Variants in KCNAB1 observed in about 807,000 individuals in gnomAD.
KCNAB1 encodes the protein voltage-gated potassium channel subunit beta-1.
Under a neutral mutation model 64.6 loss-of-function variants are expected in KCNAB1, and 35 were observed. That is an observed-to-expected ratio of 0.54 (90% CI 0.41 to 0.72). The LOEUF (loss-of-function observed/expected upper bound fraction) is 0.72, where lower values mean the gene tolerates loss of function less well. KCNAB1 is among the 30% of genes least tolerant of loss of function. KCNAB1 has a pLI of 0.00. For synonymous variants in KCNAB1, 177 were observed against 183.8 expected (o/e 0.96, Z 0.30); for missense variants, 401 against 512.9 (o/e 0.78, Z 2.11).
intron 1 of KCNAB1, among the ~76,000 whole-genome samples, chr3:156,286,096 G>GT (rs1720085062): frequency 6.6e-6 from 1 of 152,224 alleles, no homozygotes; most frequent in African/African-American, 2.4e-5. Flanking sequence ...TTCCAGGGAA[G>GT]TAGGAGGGTA....
chr3:156,206,139 A>G (rs564642810), intron 1 of KCNAB1, among the ~76,000 whole-genome samples: 11 of 152,100 alleles, frequency 7.2e-5, no homozygotes, highest in South Asian at 2.1e-4. Flanking sequence ...TTATTTGATG[A>G]TGGTTCCCTA....
intron 2 of KCNAB1, among the ~76,000 whole-genome samples, chr3:156,424,244 A>G (rs1331114930): frequency 2.0e-5 from 3 of 152,194 alleles, no homozygotes; most frequent in Non-Finnish European, 1.5e-5. Flanking sequence ...GTGGGTCAGC[A>G]ACTACAACAT....
intron 1 of KCNAB1, among the ~76,000 whole-genome samples, chr3:156,267,654 G>A (rs192588808): frequency 5.9e-5 from 9 of 152,180 alleles, no homozygotes; most frequent in Admixed American, 3.3e-4. Flanking sequence ...CATTGAAGCC[G>A]CTCTATCTGC....
chr3:156,468,583 T>C (rs1165212524), intron 7 of KCNAB1, among the ~76,000 whole-genome samples: 2 of 152,192 alleles, frequency 1.3e-5, no homozygotes, highest in African/African-American at 4.8e-5. Context: ...CTATAGACTA[T>C]AAATATAAAG....
chr3:156,119,564 C>A (rs1201061322), upstream of KCNAB1, among the ~76,000 whole-genome samples: 1 of 152,158 alleles, frequency 6.6e-6, no homozygotes, highest in Admixed American at 6.5e-5. Flanking sequence ...AATACATGCA[C>A]CTTCCCAAGT....
chr3:156,223,184 C>A (rs1025633542), intron 1 of KCNAB1, among the ~76,000 whole-genome samples: 8 of 152,194 alleles, frequency 5.3e-5, no homozygotes, highest in African/African-American at 1.9e-4. Flanking sequence ...AGCAGTGAAG[C>A]TGCAGACCTT....
chr3:156,425,847 C>A (rs534200365), intron 2 of KCNAB1, among the ~76,000 whole-genome samples: 3 of 151,936 alleles, frequency 2.0e-5, no homozygotes, highest in Non-Finnish European at 4.4e-5. Context: ...AAGAAGGTCT[C>A]CTGGGGGATT....
intron 1 of KCNAB1, among the ~76,000 whole-genome samples, chr3:156,281,775 G>A (rs796755904): frequency 0.11 from 16,523 of 150,612 alleles, 1,070 homozygotes; most frequent in Non-Finnish European, 0.14. Flanking sequence ...AGTATTCCCT[G>A]ATGGTAGTTT....
intron 1 of KCNAB1, among the ~76,000 whole-genome samples, chr3:156,230,920 A>G (rs1240667763): frequency 2.0e-5 from 3 of 152,206 alleles, no homozygotes; most frequent in Non-Finnish European, 4.4e-5. Flanking sequence ...CATCCTGAGG[A>G]TCTGTTGGGA....
At chr3:156,361,507 G>A (rs907274826) in intron 1 of KCNAB1, among the ~76,000 whole-genome samples, 1 of 152,070 alleles carries the variant, frequency 6.6e-6, no homozygotes, top group African/African-American at 2.4e-5. Context: ...ACACATAAAG[G>A]TATTTATTGT....
At chr3:156,338,029 G>A (rs1205950680) in intron 1 of KCNAB1, among the ~76,000 whole-genome samples, 1 of 152,156 alleles carries the variant, frequency 6.6e-6, no homozygotes, top group Non-Finnish European at 1.5e-5. Flanking sequence ...GTATACACAA[G>A]TAACAATGTT....
chr3:156,395,551 A>AAAAAAAAAAAG (rs1713390222), intron 1 of KCNAB1, among the ~76,000 whole-genome samples: 1 of 99,748 alleles, frequency 1.0e-5, no homozygotes, highest in Non-Finnish European at 1.8e-5. Context: ...TCTCAAAAAA[A>AAAAAAAAAAAG]AAAAAAAAAA....
intron 1 of KCNAB1, among the ~76,000 whole-genome samples, chr3:156,344,767 A>AT (rs1456746066): frequency 1.3e-5 from 2 of 152,226 alleles, no homozygotes; most frequent in African/African-American, 4.8e-5. Context: ...AACTGAGAGA[A>AT]TAGCATACAA....
At chr3:156,238,161 C>G (rs1459604803) in intron 1 of KCNAB1, among the ~76,000 whole-genome samples, 1 of 152,104 alleles carries the variant, frequency 6.6e-6, no homozygotes, top group Non-Finnish European at 1.5e-5. Flanking sequence ...TGGTGGCTCA[C>G]GCCTGTAATC....
intron 1 of KCNAB1, among the ~76,000 whole-genome samples, chr3:156,333,361 CGT>C (rs1291737132): frequency 6.0e-5 from 9 of 151,164 alleles, no homozygotes; most frequent in African/African-American, 2.2e-4. Flanking sequence ...CACACACACA[CGT>C]GTATAGCTTT....
chr3:156,211,381 T>C (rs1909376), intron 1 of KCNAB1, among the ~76,000 whole-genome samples: 83,663 of 152,158 alleles, frequency 0.55, 24,025 homozygotes, highest in East Asian at 0.9. Flanking sequence ...TATGCAAACA[T>C]GCATTAGTTT....
intron 13 of KCNAB1, among the ~76,000 whole-genome samples, chr3:156,535,641 C>T (rs1719002692): frequency 6.6e-6 from 1 of 152,196 alleles, no homozygotes; most frequent in Admixed American, 6.5e-5. Context: ...AACTACTTCT[C>T]CTTTGGTTTC....
chr3:156,486,260 T>C (rs984847509), intron 8 of KCNAB1, among the ~76,000 whole-genome samples: 1 of 152,154 alleles, frequency 6.6e-6, no homozygotes, highest in Non-Finnish European at 1.5e-5. Flanking sequence ...GTTGGTTTTC[T>C]TCTACAAAGA....
intron 12 of KCNAB1, among the ~76,000 whole-genome samples, chr3:156,524,737 A>G (rs1406000049): frequency 1.7e-5 from 2 of 120,004 alleles, no homozygotes; most frequent in African/African-American, 6.6e-5. Flanking sequence ...ACAGAGCAAG[A>G]CTCCATCTCA....
Sources: allele counts gnomAD v4.1 joint callset (sites outside exome capture counted in the v4.1 genomes callset), GRCh38; gene constraint gnomAD v4.1.1; transcripts MANE v1.5; gene names NCBI Gene and HGNC (gene_info 2026-07-23, HGNC 2026-07-21).